Variants in ATM observed in about 807,000 individuals in gnomAD.
ATM encodes the protein ATM serine/threonine kinase.
A neutral mutation model predicts 387.0 loss-of-function variants in ATM; 308 were observed. That is an observed-to-expected ratio of 0.80 (90% CI 0.73 to 0.87). The LOEUF (loss-of-function observed/expected upper bound fraction) is 0.87, where lower values mean the gene tolerates loss of function less well. Ranked by LOEUF, ATM falls within the 40% of genes least tolerant of loss-of-function variation. The pLI is 0.00. For missense variants in ATM, 3,312 were observed against 3,560.9 expected (o/e 0.93, Z 1.78); for synonymous variants, 1,156 against 1,187.3 (o/e 0.97, Z 0.54).
At chr11:108,246,564 A>G (rs1275354952) in intron 7 of ATM, among the ~76,000 whole-genome samples, 1 of 152,244 alleles carries the variant, frequency 6.6e-6, no homozygotes, top group Non-Finnish European at 1.5e-5. Context: ...TGAAATGGTG[A>G]GAAGTCTGAA....
intron 61 of ATM, among the ~76,000 whole-genome samples, chr11:108,357,705 G>T (rs924801904): frequency 2.0e-5 from 3 of 151,978 alleles, no homozygotes; most frequent in African/African-American, 4.8e-5. Context: ...CACACGGCAG[G>T]GTACTCCAAC....
intron 34 of ATM, among the ~76,000 whole-genome samples, chr11:108,301,142 G>A (rs1361039454): frequency 6.6e-6 from 1 of 151,972 alleles, no homozygotes; most frequent in Non-Finnish European, 1.5e-5. Flanking sequence ...AAATTTGCGA[G>A]CATTAAATGT....
intron 56 of ATM, among the ~76,000 whole-genome samples, chr11:108,338,777 C>T (rs542861020): frequency 6.6e-5 from 10 of 152,244 alleles, no homozygotes; most frequent in African/African-American, 9.6e-5. Flanking sequence ...CTTAGAATTA[C>T]GACAATAAGC....
intron 22 of ATM, 112 bp from the exon 23 acceptor site, chr11:108,279,379 T>C (rs1216893757): frequency 2.5e-6 from 2 of 789,826 alleles, no homozygotes; most frequent in Non-Finnish European, 4.3e-6. Flanking sequence ...TAGTATGTTA[T>C]TATGTCTCAC....
intron 29 of ATM, among the ~76,000 whole-genome samples, chr11:108,290,834 A>C (rs1191680121): frequency 6.7e-6 from 1 of 149,160 alleles, no homozygotes; most frequent in Non-Finnish European, 1.5e-5. Context: ...ATTAAAAAAA[A>C]AAAAAAAAGC....
In ATM at chr11:108,282,742, T is replaced by C; in HGVS notation, c.3609T>C (p.Tyr1203=). 6.2e-7 allele frequency: 1 copy of C among 1,613,524 alleles called. No homozygotes were observed. The highest frequency in any genetic ancestry group is 8.5e-7 in the Non-Finnish European group (1 of 1,179,732). ...AGAAAGTTTCTGAAACTTTTGGATA[T>C]AGACGTTTAGAAGACTTTATGGCAT... ...VLEKVSETFG[Y]RRLEDFMASH... The change falls in exon 25 of 63, where the codon TAT becomes TAC. Residue 1203 remains tyrosine (Y), a synonymous_variant. Coordinates refer to ENST00000675843, the MANE Select transcript of ATM (RefSeq NM_000051.4).
At chr11:108,325,661 T>C in intron 46 of ATM, 117 bp downstream of exon 46, 1 of 895,782 alleles carries the variant, frequency 1.1e-6, no homozygotes, top group Non-Finnish European at 1.7e-6. Flanking sequence ...TCTATTAATA[T>C]ATAGTAAAAA....
chr11:108,259,119 G>A (rs2135423162), intron 16 of ATM, 44 bp downstream of exon 16: 5 of 1,488,776 alleles, frequency 3.4e-6, no homozygotes, highest in Non-Finnish European at 4.7e-6. Context: ...GATTCTAATA[G>A]GCATAATTTT....
chr11:108,323,108 T>C (rs2085351340), intron 45 of ATM, among the ~76,000 whole-genome samples: 1 of 152,122 alleles, frequency 6.6e-6, no homozygotes, highest in African/African-American at 2.4e-5. Flanking sequence ...TATGCAAAAA[T>C]AAAATTTGGA....
chr11:108,260,030 C>CTT (rs754362678), intron 16 of ATM, among the ~76,000 whole-genome samples: 2,104 of 94,380 alleles, frequency 0.022, 61 homozygotes, highest in African/African-American at 0.063. Context: ...CTTATCTGCT[C>CTT]TTTTTTTTTT....
At chr11:108,343,783 A>G (rs2087916105) in intron 57 of ATM, among the ~76,000 whole-genome samples, 1 of 152,120 alleles carries the variant, frequency 6.6e-6, no homozygotes, top group South Asian at 2.1e-4. Context: ...CCCATCTCTA[A>G]AAAACAAACA....
At chr11:108,298,932 T>C (rs918852843) in intron 33 of ATM, among the ~76,000 whole-genome samples, 1 of 152,222 alleles carries the variant, frequency 6.6e-6, no homozygotes, top group Admixed American at 6.5e-5. Context: ...CAATTCCATT[T>C]ACGATAGCAT....
Position 108,289,117 on chromosome 11 carries a change from A to C in ATM, c.4236+14A>C. 1 of 1,601,004 alleles carries C rather than the reference A, an allele frequency of 6.2e-7. No individual in the cohort carries two copies. Among genetic ancestry groups the C allele is most frequent in the South Asian group, 1.1e-5 (1 of 90,502 alleles). ...TCCAAAAGCCCTGTAAGTATACATG[A>C]TGAGTTTAATAATAGAACATTCCTT... On this transcript the variant is annotated intron_variant, in intron 28 of 62. Transcript: ENST00000675843.
At chr11:108,307,078 T>TA (rs777572614) in intron 37 of ATM, among the ~76,000 whole-genome samples, 3 of 152,186 alleles carry the variant, frequency 2.0e-5, no homozygotes, top group Non-Finnish European at 4.4e-5. Context: ...TTATTGCCTG[T>TA]AGCACTATCC....
rs374628824 is a variant in ATM at position 108,336,032 on chromosome 11, C to T, written c.8268+71C>T. On this transcript the variant is annotated intron_variant, in intron 56 of 62. Transcript: ENST00000675843. ...TGCCATTTGGTTGGGTGAAGTGGCT[C>T]ATGCCCATATTCATAATGCTTTGGG... 13 of 1,176,316 alleles carry T rather than the reference C, an allele frequency of 1.1e-5. No individual in the cohort carries two copies. In the African/African-American group the frequency reaches 1.7e-4, roughly 15 times the overall value. The allele number at this position is 1,176,316 out of a possible 1,614,324, so 72.9% of individuals were successfully genotyped here. A position where few individuals can be genotyped will look rare whatever the true frequency, so the allele number is the denominator to read the frequency against.
At chr11:108,334,792 GT>G (rs2086649535) in intron 54 of ATM, among the ~76,000 whole-genome samples, 176 bp from the exon 55 acceptor site, 2 of 152,186 alleles carry the variant, frequency 1.3e-5, no homozygotes, top group African/African-American at 4.8e-5. Flanking sequence ...TGATGAAACA[GT>G]AGTTAAAGTT....
intron 39 of ATM, 98 bp downstream of exon 39, chr11:108,310,413 T>A: frequency 8.8e-7 from 1 of 1,131,796 alleles, no homozygotes; most frequent in Non-Finnish European, 1.3e-6. Flanking sequence ...GTTCCCCATT[T>A]AAAAGATATT....
At chr11:108,324,039 G>A (rs982334896) in intron 45 of ATM, among the ~76,000 whole-genome samples, 3 of 120,172 alleles carry the variant, frequency 2.5e-5, no homozygotes, top group Admixed American at 9.5e-5. Flanking sequence ...TCAACCAACC[G>A]CAGATCAAAA....
In ATM at chr11:108,317,383, A is replaced by G. The variant is rs2136162962; in HGVS notation, c.6209A>G (p.Asn2070Ser). ...ATAACTCCTGTTTAGGCCTTGCAGA[A>G]TTTGGGACTCTGCCATATTCTTTCC... ...RQAGIIQALQ[N>S]LGLCHILSVY... is the part of the protein sequence containing the mutation. Residue 2070 changes from asparagine to serine, a missense_variant, in exon 43 of 63, where the codon AAT becomes AGT. Asn to Ser is a conservative substitution (Grantham distance 46). This residue lies in a region of ATM where 1,405 missense variants were observed against 1,604.4 expected (regional missense o/e 0.88). Coordinates refer to ENST00000675843, the MANE Select transcript of ATM (RefSeq NM_000051.4). 1 of 1,611,592 alleles carries G rather than the reference A, an allele frequency of 6.2e-7. No homozygotes were observed. Among genetic ancestry groups the G allele is most frequent in the Non-Finnish European group, 8.5e-7 (1 of 1,178,644 alleles).
Sources: gnomAD v4.1 joint callset for allele counts (sites outside exome capture counted in the v4.1 genomes callset) on GRCh38, gnomAD v4.1.1 for gene constraint, gnomAD v4.1.1 regional missense constraint, MANE v1.5 for transcripts, NCBI Gene and HGNC (gene_info 2026-07-23, HGNC 2026-07-21) for gene names.